Variants in SGCD observed in about 807,000 individuals in gnomAD.
SGCD encodes delta-sarcoglycan.
In SGCD, 18 loss-of-function variants were observed where a neutral mutation model predicts 36.6. The observed-to-expected ratio is 0.49, with a 90% confidence interval of 0.34 to 0.73. SGCD has a LOEUF of 0.73. SGCD is among the 30% of genes least tolerant of loss of function. The pLI, the probability that SGCD is intolerant of heterozygous loss-of-function variation, is 0.01. For missense variants in SGCD, 387 were observed against 346.7 expected, an observed-to-expected ratio of 1.12 and a Z score of -0.92; for synonymous variants, 133 against 130.6, an observed-to-expected ratio of 1.02 and a Z score of -0.12.
intron 7 of SGCD, among the ~76,000 whole-genome samples, chr5:156,695,646 A>G (rs533920148): frequency 6.6e-6 from 1 of 152,096 alleles, no homozygotes; most frequent in South Asian, 2.1e-4. Context: ...GTTATATCCT[A>G]TAACAATTAA....
the SGCD span, among the ~76,000 whole-genome samples, chr5:155,754,359 C>A: frequency 6.6e-6 from 1 of 152,190 alleles, no homozygotes; most frequent in African/African-American, 2.4e-5. Context: ...TGACTTCAGA[C>A]AGTGAGCAGG....
rs6866241 is a variant in SGCD at position 156,693,905 on chromosome 5, T to C, written c.575+46369T>C. Among the ~76,000 whole-genome samples the C allele has an allele frequency of 3.7e-3, 566 of 152,310 alleles. 8 individuals are homozygous for C. Among genetic ancestry groups the C allele is most frequent in the African/African-American group, 0.012 (495 of 41,562 alleles). ...ATCGGGGATCTTCTAATAGAGCTTC[T>C]ACCCTCAGAGAGGATGGGTAGCCTA... On this transcript the variant is annotated intron_variant, in intron 7 of 8. Coordinates refer to ENST00000337851, the MANE Select transcript of SGCD (RefSeq NM_000337.6).
intron 1 of SGCD, among the ~76,000 whole-genome samples, chr5:155,971,125 A>G (rs187646615): frequency 2.9e-4 from 44 of 152,300 alleles, no homozygotes; most frequent in Admixed American, 2.0e-3. Context: ...GAAGATCACC[A>G]TCTGTGGTCA....
chr5:155,953,987 C>T (rs1757594584), intron 1 of SGCD, among the ~76,000 whole-genome samples: 1 of 152,120 alleles, frequency 6.6e-6, no homozygotes, highest in Admixed American at 6.6e-5. Flanking sequence ...TAGCTGGTGC[C>T]CCCATTCGGA....
At chr5:155,828,689 T>C in the SGCD span, among the ~76,000 whole-genome samples, 1 of 151,814 alleles carries the variant, frequency 6.6e-6, no homozygotes, top group African/African-American at 2.4e-5. Flanking sequence ...TTTTTTTTTT[T>C]ATATTTTATT....
chr5:156,521,634 A>C (rs1757411065), intron 4 of SGCD, among the ~76,000 whole-genome samples: 1 of 152,208 alleles, frequency 6.6e-6, no homozygotes, highest in South Asian at 2.1e-4. Context: ...TCCAAATCAA[A>C]TCCACAATGA....
At chr5:156,273,301 C>CT (rs1345680975) in intron 3 of SGCD, among the ~76,000 whole-genome samples, 1 of 152,080 alleles carries the variant, frequency 6.6e-6, no homozygotes, top group Non-Finnish European at 1.5e-5. Context: ...TATAGTATGT[C>CT]TTTTTTCATA....
chr5:156,714,402 T>C (rs1755131234), intron 7 of SGCD, among the ~76,000 whole-genome samples: 1 of 152,232 alleles, frequency 6.6e-6, no homozygotes, highest in African/African-American at 2.4e-5. Flanking sequence ...ATGTGCCTTA[T>C]AGAGAAAAAT....
intron 3 of SGCD, among the ~76,000 whole-genome samples, chr5:156,478,807 C>T (rs1354371181): frequency 6.6e-6 from 1 of 152,038 alleles, no homozygotes; most frequent in Non-Finnish European, 1.5e-5. Flanking sequence ...TCTCGAACTC[C>T]CAACCTCAGA....
At chr5:156,727,946 A>G (rs1755860345) in intron 7 of SGCD, among the ~76,000 whole-genome samples, 1 of 152,234 alleles carries the variant, frequency 6.6e-6, no homozygotes, top group African/African-American at 2.4e-5. Context: ...CATAAACAAT[A>G]CAACAGCTAA....
chr5:156,506,774 G>C (rs1354143030), intron 3 of SGCD, among the ~76,000 whole-genome samples: 2 of 152,156 alleles, frequency 1.3e-5, no homozygotes, highest in Admixed American at 1.3e-4. Context: ...ATGTTAGATA[G>C]CCAATTCAGT....
At chr5:156,532,585 C>T (rs185085462) in intron 4 of SGCD, among the ~76,000 whole-genome samples, 257 of 152,264 alleles carry the variant, frequency 1.7e-3, no homozygotes, top group Non-Finnish European at 2.9e-3. Flanking sequence ...CTCAGCCTCC[C>T]GAGTAGCTAG....
chr5:156,686,748 C>G (rs752247306), intron 7 of SGCD, among the ~76,000 whole-genome samples: 1 of 152,068 alleles, frequency 6.6e-6, no homozygotes, highest in Admixed American at 6.5e-5. Context: ...TTTGAGTAAC[C>G]GGGGACAGCT....
intron 1 of SGCD, among the ~76,000 whole-genome samples, chr5:155,952,068 G>A (rs1757558920): frequency 6.6e-6 from 1 of 152,098 alleles, no homozygotes; most frequent in Non-Finnish European, 1.5e-5. Flanking sequence ...TCTCCTTGAT[G>A]GTAAAGAAAG....
At position 156,316,227 on chromosome 5, in the gene SGCD, A is replaced by C. The variant is rs572741985; in HGVS notation, c.-43-13307A>C. Among the ~76,000 whole-genome samples, 251 of 152,120 alleles carry C rather than the reference A, an allele frequency of 1.7e-3. 1 individual carries two copies. The highest frequency in any genetic ancestry group is 5.8e-3 in the African/African-American group (241 of 41,548). On this transcript the variant is annotated intron_variant, in intron 3 of 9. Transcript: ENST00000517913. ...GAAAAACAGTTCCCTAGCATCAAAA[A>C]TATAACTAGAAATAAATTTAACCAA...
At chr5:155,756,088 C>T in the SGCD span, among the ~76,000 whole-genome samples, 1 of 152,182 alleles carries the variant, frequency 6.6e-6, no homozygotes, top group Non-Finnish European at 1.5e-5. Context: ...CAGGTGTTCC[C>T]TCTCAATGCT....
At position 156,482,962 on chromosome 5, in the gene SGCD, T is replaced by C. The variant is rs200599546; in HGVS notation, c.193-25639T>C. ...GACAGTCCTGTGTATCATAGTATAT[T>C]CAGCAGCAACCTCAGCCTCTAGCCA... On this transcript the variant is annotated intron_variant, in intron 3 of 8. Transcript: ENST00000337851. 1.3e-4 allele frequency among the ~76,000 whole-genome samples: 20 copies of C among 152,108 alleles called. No homozygotes were observed. The East Asian group carries it at 3.5e-3, about 27-fold the overall frequency.
At chr5:156,489,506 A>C (rs1755846885) in intron 3 of SGCD, among the ~76,000 whole-genome samples, 1 of 152,090 alleles carries the variant, frequency 6.6e-6, no homozygotes, top group Non-Finnish European at 1.5e-5. Flanking sequence ...TTGTTTTTTA[A>C]AAATCAAACA....
chr5:156,513,288 G>A (rs551523554), intron 4 of SGCD, among the ~76,000 whole-genome samples: 21 of 152,258 alleles, frequency 1.4e-4, no homozygotes, highest in African/African-American at 5.1e-4. Context: ...GCAACCAATA[G>A]GATCTGCCAT....
Sources: allele counts gnomAD v4.1 joint callset (sites outside exome capture counted in the v4.1 genomes callset), GRCh38; gene constraint gnomAD v4.1.1; transcripts MANE v1.5; gene names NCBI Gene and HGNC (gene_info 2026-07-23, HGNC 2026-07-21).